The following CTSO variants were observed in gnomAD, a reference collection of about 807,000 sequenced individuals.
The protein encoded by CTSO is cathepsin O.
CTSO carries 40 observed loss-of-function variants against 42.4 expected under a neutral mutation model. That is an observed-to-expected ratio of 0.94 (90% CI 0.73 to 1.23). CTSO has a LOEUF of 1.23. CTSO is among the 50% of genes most tolerant of loss of function. The pLI is 0.00. For missense variants in CTSO, 441 were observed against 396.0 expected (o/e 1.11, Z -0.96); for synonymous variants, 156 against 146.2 (o/e 1.07, Z -0.48).
At chr4:155,930,756 T>C (rs1743220603) in intron 5 of CTSO, among the ~76,000 whole-genome samples, 1 of 152,198 alleles carries the variant, frequency 6.6e-6, no homozygotes, top group Non-Finnish European at 1.5e-5. Context: ...GTTGACTGCA[T>C]AATAATGGAA....
At chr4:155,936,954 T>C (rs1176076877) in intron 5 of CTSO, among the ~76,000 whole-genome samples, 1 of 152,178 alleles carries the variant, frequency 6.6e-6, no homozygotes, top group Non-Finnish European at 1.5e-5. Flanking sequence ...GCACAGTCTG[T>C]ACAAAGCAAT....
chr4:155,941,767 AC>A (rs1450437975), intron 3 of CTSO, among the ~76,000 whole-genome samples: 1 of 152,158 alleles, frequency 6.6e-6, no homozygotes, highest in African/African-American at 2.4e-5. Flanking sequence ...TACTAACTAT[AC>A]TTTTAAGGCC....
At chr4:155,952,482 C>T (rs758444845) in intron 1 of CTSO, among the ~76,000 whole-genome samples, 1 of 152,188 alleles carries the variant, frequency 6.6e-6, no homozygotes, top group African/African-American at 2.4e-5. Context: ...AAAGGTGAAA[C>T]TGACTTTTCC....
intron 4 of CTSO, 145 bp from the exon 5 acceptor site, chr4:155,937,628 TTTTTGAGACAGAG>T (rs1743353074): frequency 1.2e-6 from 1 of 809,954 alleles, no homozygotes; most frequent in African/African-American, 1.8e-5. Context: ...TTCTTTTTCT[TTTTTGAGACAGAG>T]TTTTGTTTGG....
At chr4:155,939,003 T>A (rs1024783606) in intron 4 of CTSO, among the ~76,000 whole-genome samples, 3 of 151,986 alleles carry the variant, frequency 2.0e-5, no homozygotes, top group Non-Finnish European at 2.9e-5. Flanking sequence ...TCTCTAATGT[T>A]CCTTTTAACC....
intron 5 of CTSO, among the ~76,000 whole-genome samples, chr4:155,934,245 CCTGCGGGTA>C (rs1283756052): frequency 6.6e-6 from 1 of 152,144 alleles, no homozygotes; most frequent in East Asian, 1.9e-4. Context: ...TGGGGTTGAG[CCTGCGGGTA>C]CATAGAAGAC....
chr4:155,936,054 A>C (rs1188602703), intron 5 of CTSO, among the ~76,000 whole-genome samples: 1 of 151,958 alleles, frequency 6.6e-6, no homozygotes, highest in Non-Finnish European at 1.5e-5. Context: ...TATTTTGTAA[A>C]TCTAGTTTTT....
intron 3 of CTSO, among the ~76,000 whole-genome samples, chr4:155,941,834 CT>C (rs1205338164): frequency 2.0e-5 from 3 of 152,194 alleles, no homozygotes; most frequent in Non-Finnish European, 4.4e-5. Context: ...TCTGACAGAG[CT>C]TGCAAGATGA....
intron 5 of CTSO, among the ~76,000 whole-genome samples, chr4:155,935,041 C>T (rs2334114): frequency 6.6e-6 from 1 of 151,992 alleles, no homozygotes; most frequent in Non-Finnish European, 1.5e-5. Flanking sequence ...CCCAGAATTC[C>T]CACATGTTGT....
intron 5 of CTSO, 101 bp downstream of exon 5, chr4:155,937,261 A>T: frequency 1.2e-6 from 1 of 837,392 alleles, no homozygotes; most frequent in Non-Finnish European, 1.9e-6. Flanking sequence ...TTTTACAAGG[A>T]TTAAGAGTAT....
chr4:155,931,597 GC>G (rs1743235272), intron 5 of CTSO, among the ~76,000 whole-genome samples: 1 of 152,044 alleles, frequency 6.6e-6, no homozygotes, highest in African/African-American at 2.4e-5. Flanking sequence ...AAAGATGTCA[GC>G]TTTTAGAGAG....
At position 155,924,638 on chromosome 4, in the gene CTSO, A is replaced by T. The variant is rs1047803397; in HGVS notation, c.*1398T>A. ...GAAATATGTACATACATAGTATCAG[A>T]AATAATTTTCTTGTATTGATTCATT... On this transcript the variant is annotated 3_prime_UTR_variant, in exon 8 of 8. Transcript: ENST00000433477. The T allele has an allele frequency of 3.9e-5, 6 of 151,998 alleles. No individual in the cohort carries two copies. Among genetic ancestry groups the T allele is most frequent in the Admixed American group, 3.3e-4 (5 of 15,274 alleles). 9.4% of individuals were successfully genotyped at this position (151,998 alleles called of 1,614,324 possible).
At chr4:155,948,298 T>C (rs1220264285) in intron 1 of CTSO, among the ~76,000 whole-genome samples, 1 of 152,182 alleles carries the variant, frequency 6.6e-6, no homozygotes, top group Non-Finnish European at 1.5e-5. Flanking sequence ...CCTGTAAGAC[T>C]CTGTCCCTAA....
At chr4:155,935,565 C>A (rs564175665) in intron 5 of CTSO, among the ~76,000 whole-genome samples, 3 of 152,162 alleles carry the variant, frequency 2.0e-5, no homozygotes, top group South Asian at 4.2e-4. Context: ...CCCTGCCAGG[C>A]AACCCTTTCT....
intron 5 of CTSO, among the ~76,000 whole-genome samples, chr4:155,934,755 C>T (rs575548337): frequency 5.9e-5 from 9 of 152,206 alleles, no homozygotes; most frequent in East Asian, 1.9e-4. Context: ...TTGGAATGGC[C>T]GTATTTACCC....
At chr4:155,951,988 G>T (rs936033672) in intron 1 of CTSO, among the ~76,000 whole-genome samples, 1 of 152,048 alleles carries the variant, frequency 6.6e-6, no homozygotes, top group Non-Finnish European at 1.5e-5. Context: ...GTAGAAAATC[G>T]GTTTTAAAGC....
intron 1 of CTSO, among the ~76,000 whole-genome samples, chr4:155,943,914 C>T (rs887994945): frequency 1.3e-5 from 2 of 152,130 alleles, no homozygotes; most frequent in African/African-American, 4.8e-5. Context: ...GACAATTTAT[C>T]TTAAGCTTAT....
At chr4:155,935,005 C>A (rs1743305538) in intron 5 of CTSO, among the ~76,000 whole-genome samples, 1 of 152,106 alleles carries the variant, frequency 6.6e-6, no homozygotes, top group Admixed American at 6.5e-5. Flanking sequence ...TGTGTCCCCA[C>A]CGAAGTCTCA....
chr4:155,950,836 G>T (rs530759821), intron 1 of CTSO, among the ~76,000 whole-genome samples: 67 of 110,726 alleles, frequency 6.1e-4, no homozygotes, highest in African/African-American at 2.0e-3. Context: ...GAAATCATCC[G>T]CATCCTCCTC....
Sources: gnomAD v4.1 joint callset for allele counts (sites outside exome capture counted in the v4.1 genomes callset) on GRCh38, gnomAD v4.1.1 for gene constraint, MANE v1.5 for transcripts, NCBI Gene and HGNC (gene_info 2026-07-23, HGNC 2026-07-21) for gene names.